The following PDE1C variants were observed in gnomAD, a reference collection of about 807,000 sequenced individuals.
PDE1C encodes the protein phosphodiesterase 1C.
PDE1C carries 62 observed loss-of-function variants against 93.1 expected under a neutral mutation model. The observed-to-expected ratio is 0.67, with a 90% CI of 0.54 to 0.82. PDE1C has a LOEUF of 0.82. PDE1C is among the 40% of genes least tolerant of loss of function. The pLI is 0.00. For synonymous variants in PDE1C, 325 were observed against 310.1 expected (o/e 1.05, Z -0.50); for missense variants, 742 against 884.6 (o/e 0.84, Z 2.04).
At chr7:31,885,325 AG>A (rs1273358210) in intron 2 of PDE1C, among the ~76,000 whole-genome samples, 1 of 152,218 alleles carries the variant, frequency 6.6e-6, no homozygotes, top group Admixed American at 6.5e-5. Context: ...GCCAGATAAT[AG>A]TTCCAGTATA....
intron 1 of PDE1C, among the ~76,000 whole-genome samples, chr7:32,348,037 T>A (rs1783888134): frequency 6.6e-6 from 1 of 152,158 alleles, no homozygotes; most frequent in South Asian, 2.1e-4. Flanking sequence ...GATTATTACA[T>A]CTGATGAAGG....
intron 1 of PDE1C, among the ~76,000 whole-genome samples, chr7:32,308,566 C>A (rs894132683): frequency 7.7e-6 from 1 of 129,558 alleles, no homozygotes; most frequent in African/African-American, 2.9e-5. Context: ...GCAGCATTTG[C>A]GGTTCACCAA....
intron 2 of PDE1C, among the ~76,000 whole-genome samples, chr7:32,207,615 G>T (rs1450742508): frequency 2.1e-5 from 3 of 143,364 alleles, no homozygotes; most frequent in Admixed American, 6.8e-5. Context: ...GAGCTTTTTC[G>T]TTCTCCTTTT....
chr7:32,356,866 T>C (rs1329778417), intron 1 of PDE1C, among the ~76,000 whole-genome samples: 1 of 151,770 alleles, frequency 6.6e-6, no homozygotes, highest in African/African-American at 2.4e-5. Context: ...GCTAAGAGAG[T>C]GAAATTCATC....
At chr7:31,644,031 T>A in the PDE1C span, 1 of 1,346,190 alleles carries the variant, frequency 7.4e-7, no homozygotes, top group Non-Finnish European at 1.0e-6. Context: ...TCAGACTTCC[T>A]TGCTGAATGC....
At chr7:32,034,620 TTAACCAAACC>T (rs1173140291) in intron 2 of PDE1C, among the ~76,000 whole-genome samples, 2 of 152,142 alleles carry the variant, frequency 1.3e-5, no homozygotes, top group African/African-American at 4.8e-5. Flanking sequence ...TAAACAGGAA[TTAACCAAACC>T]TCCAAACAGT....
At chr7:32,056,272 G>T (rs1250572632) in intron 1 of PDE1C, among the ~76,000 whole-genome samples, 1 of 149,248 alleles carries the variant, frequency 6.7e-6, no homozygotes, top group African/African-American at 2.5e-5. Context: ...TTCAAAGAAG[G>T]TCTAGAGTGG....
the PDE1C span, among the ~76,000 whole-genome samples, chr7:31,626,508 C>T: frequency 2.0e-5 from 3 of 152,148 alleles, no homozygotes; most frequent in East Asian, 1.9e-4. Context: ...AGTATGCTTC[C>T]CTTTGCTGTC....
intron 1 of PDE1C, among the ~76,000 whole-genome samples, chr7:32,420,311 A>G (rs867622996): frequency 6.6e-5 from 1 of 15,114 alleles, no homozygotes. Context: ...ATATATATAC[A>G]TGTGTATATA....
chr7:32,183,975 A>T (rs1391481861), intron 2 of PDE1C, among the ~76,000 whole-genome samples: 1 of 152,208 alleles, frequency 6.6e-6, no homozygotes, highest in African/African-American at 2.4e-5. Context: ...ACCCCATCAA[A>T]AAGTGGGCAA....
chr7:32,032,304 C>T (rs989403156), intron 2 of PDE1C, among the ~76,000 whole-genome samples: 2 of 152,166 alleles, frequency 1.3e-5, no homozygotes, highest in Admixed American at 6.5e-5. Flanking sequence ...CCTACTTGCC[C>T]TTGCCTGACT....
chr7:31,707,141 T>C, the PDE1C span: 22 of 1,482,898 alleles, frequency 1.5e-5, no homozygotes. Context: ...TGTGTCTGTC[T>C]GCAACGTTGC....
At chr7:32,327,641 A>G (rs1346431339) in intron 1 of PDE1C, among the ~76,000 whole-genome samples, 1 of 152,022 alleles carries the variant, frequency 6.6e-6, no homozygotes, top group Admixed American at 6.5e-5. Flanking sequence ...GTGGCGGCGC[A>G]TGCCTGTAGT....
At chr7:31,853,663 G>C (rs1793623294) in intron 7 of PDE1C, among the ~76,000 whole-genome samples, 1 of 111,854 alleles carries the variant, frequency 8.9e-6, no homozygotes, top group African/African-American at 3.4e-5. Context: ...TTGGACAGGA[G>C]GAGAGAAGGG....
intron 1 of PDE1C, among the ~76,000 whole-genome samples, chr7:32,066,753 A>G (rs1795455115): frequency 6.6e-6 from 1 of 152,168 alleles, no homozygotes; most frequent in Non-Finnish European, 1.5e-5. Context: ...AGGGACACAA[A>G]AAAGTAATTC....
chr7:31,919,472 C>T (rs1802341761), intron 2 of PDE1C, among the ~76,000 whole-genome samples: 1 of 151,996 alleles, frequency 6.6e-6, no homozygotes, highest in Admixed American at 6.6e-5. Context: ...ATAGTAACTA[C>T]TACACAAGTA....
chr7:31,851,848 G>C (rs1250472902), intron 7 of PDE1C, among the ~76,000 whole-genome samples: 1 of 152,186 alleles, frequency 6.6e-6, no homozygotes, highest in African/African-American at 2.4e-5. Flanking sequence ...CTGTGAAAGA[G>C]CAGAACACAT....
rs113385926 is a variant in PDE1C, at chr7:31,809,149, T to C, written c.1814-41A>G. 51,783 of 1,086,620 alleles carry C rather than the reference T, an allele frequency of 0.048. 1,379 individuals carry two copies. Among genetic ancestry groups the C allele is most frequent in the South Asian group, 0.072 (5,699 of 78,732 alleles). The allele number at this position is 1,086,620 out of a possible 1,614,324, so 67.3% of individuals were successfully genotyped here. A position where few individuals can be genotyped will look rare whatever the true frequency, so the allele number is the denominator to read the frequency against. On this transcript the variant is annotated intron_variant, in intron 15 of 17. Transcript: ENST00000396191. ...ATGACAAACAGTATATGTATGCAGCTGAGGGGGTTGTTATAAACATCTTTA... is the reference window on the plus strand; with the variant it reads ...ATGACAAACAGTATATGTATGCAGCCGAGGGGGTTGTTATAAACATCTTTA...
At chr7:31,916,440 A>C (rs1801923274) in intron 2 of PDE1C, among the ~76,000 whole-genome samples, 1 of 152,216 alleles carries the variant, frequency 6.6e-6, no homozygotes, top group South Asian at 2.1e-4. Context: ...CTTCTTAAGA[A>C]CAGAAAATCA....
Sources: gnomAD v4.1 joint callset for allele counts (sites outside exome capture counted in the v4.1 genomes callset) on GRCh38, gnomAD v4.1.1 for gene constraint, MANE v1.5 for transcripts, NCBI Gene and HGNC (gene_info 2026-07-23, HGNC 2026-07-21) for gene names.